The following HPCAL1 variants were observed in gnomAD, a reference collection of about 807,000 sequenced individuals.
HPCAL1 encodes the protein hippocalcin like 1, also known as hippocalcin-like protein 1.
In HPCAL1, 8 loss-of-function variants were observed where a neutral mutation model predicts 17.1. The ratio of observed to expected loss-of-function variants is 0.47; its 90% CI spans 0.27 to 0.84. The LOEUF is 0.84. Ranked by LOEUF, HPCAL1 falls within the 40% of genes least tolerant of loss-of-function variation. HPCAL1 has a pLI of 0.13. For missense variants in HPCAL1, 165 were observed against 271.1 expected, an observed-to-expected ratio of 0.61 and a Z score of 2.75; for synonymous variants, 112 against 111.4, an observed-to-expected ratio of 1.01 and a Z score of -0.03.
chr2:10,426,593 C>T (rs905936839), intron 4 of HPCAL1, 131 bp from the exon 5 acceptor site: 55 of 740,098 alleles, frequency 7.4e-5, no homozygotes, highest in South Asian at 5.0e-4. Flanking sequence ...GACTAGACAC[C>T]GTCCAGCTTC....
chr2:10,348,085 G>T (rs1665581622), intron 1 of HPCAL1, among the ~76,000 whole-genome samples: 2 of 152,242 alleles, frequency 1.3e-5, no homozygotes, highest in South Asian at 4.1e-4. Flanking sequence ...GGGATTTAGG[G>T]TCAGTGAGAC....
intron 1 of HPCAL1, among the ~76,000 whole-genome samples, chr2:10,346,728 T>G (rs1665481007): frequency 6.6e-6 from 1 of 152,168 alleles, no homozygotes; most frequent in South Asian, 2.1e-4. Flanking sequence ...TACTGTGTTT[T>G]CACCATGATA....
intron 1 of HPCAL1, among the ~76,000 whole-genome samples, chr2:10,319,372 G>A (rs1473084504): frequency 6.6e-6 from 1 of 152,154 alleles, no homozygotes; most frequent in Non-Finnish European, 1.5e-5. Context: ...AGCCTCCTCC[G>A]TCTTTTTGTC....
chr2:10,409,783 T>G (rs1670221386), intron 2 of HPCAL1, among the ~76,000 whole-genome samples: 2 of 81,688 alleles, frequency 2.4e-5, no homozygotes, highest in African/African-American at 9.5e-5. Flanking sequence ...CAGTCTTTTT[T>G]TTTTTTTTTT....
At chr2:10,411,608 A>G (rs56044909) in intron 2 of HPCAL1, among the ~76,000 whole-genome samples, 77,733 of 152,046 alleles carry the variant, frequency 0.51, 20,195 homozygotes, top group South Asian at 0.66. Flanking sequence ...CTTCCTGGGC[A>G]TGCCTACACC....
intron 1 of HPCAL1, among the ~76,000 whole-genome samples, chr2:10,373,827 C>T (rs939973218): frequency 1.3e-5 from 2 of 152,150 alleles, no homozygotes; most frequent in Non-Finnish European, 2.9e-5. Flanking sequence ...GGGACCTGTC[C>T]ACTTTAGCCC....
intron 1 of HPCAL1, among the ~76,000 whole-genome samples, chr2:10,308,794 T>C (rs1282358070): frequency 6.6e-6 from 1 of 152,200 alleles, no homozygotes; most frequent in Non-Finnish European, 1.5e-5. Flanking sequence ...AGCGCATGTA[T>C]TGATGTGTCA....
chr2:10,336,661 G>T lies in HPCAL1; in HGVS notation c.-111+33484G>T, dbSNP rs184500143. Among the ~76,000 whole-genome samples the T allele has an allele frequency of 7.2e-5, 11 of 152,322 alleles. No individual in the cohort carries two copies. In the East Asian group the frequency reaches 1.9e-3, roughly 27 times the overall value. On this transcript the variant is annotated intron_variant, in intron 1 of 4. Coordinates refer to ENST00000307845, the MANE Select transcript of HPCAL1 (RefSeq NM_002149.4). The stretch of plus-strand genomic sequence containing the variant: ...GCTCTATGACGTTGTCCCTCAGGGA[G>T]CCAGGCTTTCAGAGCAGCCCCATCT...
rs967925997 is a variant in HPCAL1 at position 10,367,273 on chromosome 2, G to C, written c.-110-29562G>C. Reference sequence around the variant, plus strand: ...GCGGATGGTAGTGTTGTTTTAAGGGGGGATTTTGTTGCTGTCGTTGTTGTT... The same window carrying C: ...GCGGATGGTAGTGTTGTTTTAAGGGCGGATTTTGTTGCTGTCGTTGTTGTT... On this transcript the variant is annotated intron_variant, in intron 1 of 4. Transcript: ENST00000307845. This position sits in a 1 kb window ranked among gnomAD's most constrained non-coding sequence, Gnocchi z 4.4. Among the ~76,000 whole-genome samples the C allele has an allele frequency of 6.6e-6, 1 of 151,856 alleles. No homozygotes were observed. Among genetic ancestry groups the C allele is most frequent in the African/African-American group, 2.4e-5 (1 of 41,308 alleles).
At chr2:10,317,008 A>G (rs538815312) in intron 1 of HPCAL1, among the ~76,000 whole-genome samples, 34 of 152,282 alleles carry the variant, frequency 2.2e-4, no homozygotes, top group African/African-American at 8.2e-4. Flanking sequence ...TTATTACAAG[A>G]TTTAACACCG....
chr2:10,419,279 C>A lies in HPCAL1; in HGVS notation c.-24-455C>A, dbSNP rs964573514. On this transcript the variant is annotated intron_variant, in intron 2 of 4. Transcript: ENST00000307845. The surrounding 1 kb of genome is among the most constrained non-coding windows in gnomAD (Gnocchi z 5.0). ...GTGACTCCCTGAAAGTTTCTAGACG[C>A]CTCTTCTAAAGATAAAAACATAATG... 6.6e-6 allele frequency among the ~76,000 whole-genome samples: 1 copy of A among 152,040 alleles called. No individual in the cohort carries two copies. Among genetic ancestry groups the A allele is most frequent in the Non-Finnish European group, 1.5e-5 (1 of 68,032 alleles).
intron 1 of HPCAL1, among the ~76,000 whole-genome samples, chr2:10,316,297 G>C (rs1400770017): frequency 6.6e-6 from 1 of 152,102 alleles, no homozygotes; most frequent in African/African-American, 2.4e-5. Flanking sequence ...ATATGTTTCA[G>C]CTCCCTTTTT....
At chr2:10,339,111 C>A (rs1035516758) in intron 1 of HPCAL1, among the ~76,000 whole-genome samples, 3 of 151,952 alleles carry the variant, frequency 2.0e-5, no homozygotes, top group African/African-American at 7.3e-5. Flanking sequence ...GGAATGGGTG[C>A]CCATCATTCA....
In HPCAL1 at chr2:10,394,511, G is replaced by A. The variant is rs757313880; in HGVS notation, c.-110-2324G>A. ...TATGGGGCAAGGCAGAGAGCACAGA[G>A]GGGCTTTAGGGCAGCGAGCCCGCGC... is the stretch of plus-strand genomic sequence containing the variant. On this transcript the variant is annotated intron_variant, in intron 1 of 4. Coordinates refer to ENST00000307845, the MANE Select transcript of HPCAL1 (RefSeq NM_002149.4). This position sits in a 1 kb window ranked among gnomAD's most constrained non-coding sequence, Gnocchi z 5.0. Among the ~76,000 whole-genome samples, 19 of 152,238 alleles carry A rather than the reference G, an allele frequency of 1.2e-4. No homozygotes were observed. Among genetic ancestry groups the A allele is most frequent in the South Asian group, 6.2e-4 (3 of 4,830 alleles).
intron 2 of HPCAL1, among the ~76,000 whole-genome samples, chr2:10,414,241 CAT>C (rs993325032): frequency 9.9e-5 from 15 of 152,254 alleles, no homozygotes; most frequent in Non-Finnish European, 1.8e-4. Flanking sequence ...ACCGATAACA[CAT>C]GTTTGTCAGC....
chr2:10,325,006 T>C (rs1013201405), intron 1 of HPCAL1, among the ~76,000 whole-genome samples: 4 of 148,776 alleles, frequency 2.7e-5, no homozygotes, highest in Non-Finnish European at 4.5e-5. Context: ...TTTTTTTTTG[T>C]ATTTTTAGTA....
intron 1 of HPCAL1, chr2:10,368,842 C>T (rs1011351364): frequency 3.3e-5 from 5 of 152,150 alleles, no homozygotes; most frequent in Admixed American, 6.5e-5. Flanking sequence ...ATTGAATTAC[C>T]GACATTTCAG....
intron 2 of HPCAL1, among the ~76,000 whole-genome samples, chr2:10,404,874 C>T (rs895511107): frequency 6.6e-5 from 10 of 152,126 alleles, no homozygotes; most frequent in Non-Finnish European, 8.8e-5. Context: ...GTGTGCCGAG[C>T]GAGAAGGGCT....
intron 1 of HPCAL1, among the ~76,000 whole-genome samples, chr2:10,352,760 C>T (rs1572700463): frequency 2.0e-5 from 3 of 152,306 alleles, no homozygotes; most frequent in East Asian, 1.9e-4. Context: ...TCAGGAGGGA[C>T]CTTTGGAGTC....
Sources: gnomAD v4.1 joint callset for allele counts (sites outside exome capture counted in the v4.1 genomes callset) on GRCh38, gnomAD v4.1.1 for gene constraint, Gnocchi (gnomAD v3.1) non-coding constraint, MANE v1.5 for transcripts, NCBI Gene and HGNC (gene_info 2026-07-23, HGNC 2026-07-21) for gene names.